CCDC148: variants seen among roughly 807,000 people sequenced by gnomAD.
CCDC148 encodes coiled-coil domain containing 148, also known as coiled-coil domain-containing protein 148.
Under a neutral mutation model 85.7 loss-of-function variants are expected in CCDC148, and 89 were observed. The observed-to-expected ratio is 1.04, with a 90% CI of 0.87 to 1.24. CCDC148 has a LOEUF of 1.24. CCDC148 is among the 50% of genes most tolerant of loss of function. CCDC148 has a pLI of 0.00. For synonymous variants in CCDC148, 230 were observed against 213.9 expected (o/e 1.08, Z -0.66); for missense variants, 692 against 671.7 (o/e 1.03, Z -0.33).
At chr2:158,356,548 T>G (rs1220014572) in intron 2 of CCDC148, among the ~76,000 whole-genome samples, 1 of 152,012 alleles carries the variant, frequency 6.6e-6, no homozygotes, top group East Asian at 1.9e-4. Context: ...CTCACAACAG[T>G]TAGAATGGTG....
chr2:158,327,035 G>T (rs1386691039), intron 7 of CCDC148, among the ~76,000 whole-genome samples: 1 of 152,066 alleles, frequency 6.6e-6, no homozygotes, highest in Non-Finnish European at 1.5e-5. Context: ...TTCTGTGTAT[G>T]TACAATAATC....
intron 1 of CCDC148, among the ~76,000 whole-genome samples, chr2:158,423,059 C>T (rs1429423765): frequency 6.6e-6 from 1 of 152,074 alleles, no homozygotes; most frequent in East Asian, 1.9e-4. Context: ...AACTACAAAC[C>T]ACTGCTCAAC....
rs757406054 is a variant in CCDC148, at chr2:158,345,273, G to A, written c.193C>T (p.Leu65=). Residue 65 remains leucine (L), a synonymous_variant, in exon 3 of 14, where the codon CTA becomes TTA. Coordinates refer to ENST00000283233, the MANE Select transcript of CCDC148 (RefSeq NM_138803.4). The stretch of plus-strand genomic sequence containing the variant: ...CACACTTGCTTGTGTTGTTTTATTA[G>A]TGTTTGTTCTTTGGATAACTTTGAA... ...LTSKLSKEQT[L]IKQHKQVWWQ... 5 of 1,613,342 alleles carry A rather than the reference G, an allele frequency of 3.1e-6. No homozygotes were observed. In the South Asian group the frequency reaches 5.5e-5, roughly 18 times the overall value.
At chr2:158,379,574 G>A (rs933399241) in intron 1 of CCDC148, among the ~76,000 whole-genome samples, 2 of 152,088 alleles carry the variant, frequency 1.3e-5, no homozygotes, top group African/African-American at 4.8e-5. Flanking sequence ...GAAAGGAAGA[G>A]TCAATTGATG....
At chr2:158,448,344 T>C (rs1688246903) in intron 1 of CCDC148, among the ~76,000 whole-genome samples, 1 of 145,848 alleles carries the variant, frequency 6.9e-6, no homozygotes. Flanking sequence ...ATTTCCATTT[T>C]ATTTTTTTTT....
At chr2:158,372,715 T>C (rs2105281194) in intron 1 of CCDC148, among the ~76,000 whole-genome samples, 1 of 152,150 alleles carries the variant, frequency 6.6e-6, no homozygotes, top group East Asian at 1.9e-4. Context: ...CCAGCTACCA[T>C]CACACAATTG....
chr2:158,382,596 G>A (rs1359686295), intron 1 of CCDC148, among the ~76,000 whole-genome samples: 1 of 151,994 alleles, frequency 6.6e-6, no homozygotes, highest in Non-Finnish European at 1.5e-5. Flanking sequence ...AATTTGAATA[G>A]AAGTGTTAAG....
chr2:158,228,664 T>C (rs1687685702), intron 10 of CCDC148, among the ~76,000 whole-genome samples: 1 of 152,010 alleles, frequency 6.6e-6, no homozygotes, highest in Non-Finnish European at 1.5e-5. Flanking sequence ...TGTAGGGACA[T>C]GGATGAAGCT....
chr2:158,301,815 G>A (rs539778735), intron 9 of CCDC148, among the ~76,000 whole-genome samples: 19 of 152,336 alleles, frequency 1.2e-4, no homozygotes, highest in African/African-American at 3.6e-4. Context: ...TAATACGGTG[G>A]TCACTGGAGA....
intron 2 of CCDC148, among the ~76,000 whole-genome samples, chr2:158,355,015 A>C (rs1387008248): frequency 6.6e-6 from 1 of 152,232 alleles, no homozygotes; most frequent in Non-Finnish European, 1.5e-5. Context: ...AAAGCCTGTG[A>C]CAAAATTCAA....
chr2:158,379,643 C>T (rs969100144), intron 1 of CCDC148, among the ~76,000 whole-genome samples: 2 of 152,098 alleles, frequency 1.3e-5, no homozygotes, highest in African/African-American at 2.4e-5. Context: ...CAACCTTCCT[C>T]AGCCACTACC....
At chr2:158,215,931 G>C (rs1686828031) in intron 11 of CCDC148, among the ~76,000 whole-genome samples, 1 of 152,134 alleles carries the variant, frequency 6.6e-6, no homozygotes, top group East Asian at 1.9e-4. Flanking sequence ...CATTCTGCAA[G>C]CCAGGAAGAG....
At chr2:158,213,833 A>G (rs1386430721) in intron 11 of CCDC148, among the ~76,000 whole-genome samples, 1 of 152,202 alleles carries the variant, frequency 6.6e-6, no homozygotes, top group African/African-American at 2.4e-5. Context: ...ACATCAAAGT[A>G]TCACTGCAGC....
At chr2:158,200,626 T>C (rs901713085) in intron 11 of CCDC148, among the ~76,000 whole-genome samples, 3 of 152,190 alleles carry the variant, frequency 2.0e-5, no homozygotes, top group Non-Finnish European at 2.9e-5. Context: ...AGGTAAAATA[T>C]TTTGGCACCA....
At chr2:158,359,416 G>A (rs758059389) in intron 1 of CCDC148, among the ~76,000 whole-genome samples, 2 of 152,132 alleles carry the variant, frequency 1.3e-5, no homozygotes, top group Admixed American at 6.5e-5. Context: ...GAACAGCTCT[G>A]GTCTGCAGCG....
chr2:158,365,483 AG>A, intron 1 of CCDC148, among the ~76,000 whole-genome samples: 1 of 152,346 alleles, frequency 6.6e-6, no homozygotes, highest in East Asian at 1.9e-4. Flanking sequence ...GCCATAAAAA[AG>A]GATAAGTTCA....
intron 1 of CCDC148, among the ~76,000 whole-genome samples, chr2:158,417,874 T>C (rs1234682395): frequency 6.6e-6 from 1 of 152,136 alleles, no homozygotes; most frequent in African/African-American, 2.4e-5. Context: ...CCTCAGCAGG[T>C]GGTACAATTA....
chr2:158,259,843 C>T (rs1689149173), intron 9 of CCDC148, among the ~76,000 whole-genome samples: 2 of 151,938 alleles, frequency 1.3e-5, no homozygotes, highest in South Asian at 4.1e-4. Flanking sequence ...TTGCTTATCT[C>T]CATCCCAGGC....
At chr2:158,209,669 TAAAGA>T (rs1412828235) in intron 11 of CCDC148, among the ~76,000 whole-genome samples, 2 of 152,142 alleles carry the variant, frequency 1.3e-5, no homozygotes, top group Non-Finnish European at 2.9e-5. Context: ...TCAACATTCT[TAAAGA>T]AAAGAATTTC....
Sources: gnomAD v4.1 joint callset for allele counts (sites outside exome capture counted in the v4.1 genomes callset) on GRCh38, gnomAD v4.1.1 for gene constraint, MANE v1.5 for transcripts, NCBI Gene and HGNC (gene_info 2026-07-23, HGNC 2026-07-21) for gene names.